The following NXN variants were observed in gnomAD, a reference collection of about 807,000 sequenced individuals.
NXN encodes the protein nucleoredoxin 1.
Under a neutral mutation model 48.6 loss-of-function variants are expected in NXN, and 16 were observed. The ratio of observed to expected loss-of-function variants is 0.33; its 90% CI spans 0.22 to 0.50. The LOEUF is 0.50. NXN is among the 20% of genes least tolerant of loss of function. The probability of loss-of-function intolerance (pLI) is 0.98; values close to 1 mark genes in which losing one functional copy is unlikely to be tolerated. For missense variants in NXN, 492 were observed against 605.5 expected, an observed-to-expected ratio of 0.81 and a Z score of 1.97; for synonymous variants, 281 against 269.6, an observed-to-expected ratio of 1.04 and a Z score of -0.41.
rs1475947757 is a variant in NXN at position 917,285 on chromosome 17, G to A, written c.360+62034C>T. On this transcript the variant is annotated intron_variant, in intron 1 of 7. Transcript: ENST00000336868. This position sits in a 1 kb window ranked among gnomAD's most constrained non-coding sequence, Gnocchi z 4.5. ...GCCTCCCGAGCAGCTGGGACTACAG[G>A]CGCCCGCCACCATGCCCAGCTAATT... Among the ~76,000 whole-genome samples, 2 of 152,184 alleles carry A rather than the reference G, an allele frequency of 1.3e-5. No homozygotes were observed. The highest frequency in any genetic ancestry group is 4.8e-5 in the African/African-American group (2 of 41,450).
At chr17:855,823 A>G (rs560860704) in intron 1 of NXN, among the ~76,000 whole-genome samples, 4 of 152,306 alleles carry the variant, frequency 2.6e-5, no homozygotes, top group South Asian at 4.1e-4. Context: ...AGGGAACTCA[A>G]TCAAAACCAG....
chr17:837,661 G>A (rs1275334490), intron 1 of NXN, among the ~76,000 whole-genome samples: 1 of 152,156 alleles, frequency 6.6e-6, no homozygotes. Context: ...AGCGCTGGTG[G>A]GATCAGAGCT....
At chr17:921,764 C>A (rs2068752670) in intron 1 of NXN, among the ~76,000 whole-genome samples, 1 of 150,768 alleles carries the variant, frequency 6.6e-6, no homozygotes, top group Non-Finnish European at 1.5e-5. Flanking sequence ...GGCTCTCATC[C>A]TCACTGCCCC....
At chr17:948,297 C>T (rs1202313453) in intron 1 of NXN, among the ~76,000 whole-genome samples, 8 of 151,934 alleles carry the variant, frequency 5.3e-5, no homozygotes, top group East Asian at 1.9e-4. Context: ...AAATATCTCA[C>T]GTCCACCATA....
chr17:800,625 C>T lies in NXN; in HGVS notation c.*324G>A, dbSNP rs185762564. On this transcript the variant is annotated 3_prime_UTR_variant, in exon 8 of 8. Transcript: ENST00000336868. The stretch of plus-strand genomic sequence containing the variant: ...CCGAGCGGGACCCACCGGCCCTCCA[C>T]GCTCACTCTGCCCAGGACACCCTGG... The T allele has an allele frequency of 3.6e-3, 688 of 188,794 alleles. 1 individual carries two copies. Among genetic ancestry groups the T allele is most frequent in the Admixed American group, 5.7e-3 (93 of 16,348 alleles). 11.7% of individuals were successfully genotyped at this position (188,794 alleles called of 1,614,324 possible). A position where few individuals can be genotyped will look rare whatever the true frequency, so the allele number is the denominator to read the frequency against.
Position 979,379 on chromosome 17 carries a change from C to T in NXN, c.300G>A (p.Trp100Ter). 1 of 1,530,058 alleles carries T rather than the reference C, an allele frequency of 6.5e-7. No homozygotes were observed. Among genetic ancestry groups the T allele is most frequent in the Non-Finnish European group, 8.8e-7 (1 of 1,140,114 alleles). 94.8% of individuals were successfully genotyped at this position (1,530,058 alleles called of 1,614,324 possible). The change falls in exon 1 of 8, where the codon TGG (tryptophan) becomes TGA (stop). Residue 100 changes from tryptophan (W) to a stop codon, truncating the protein, a stop_gained. Coordinates refer to ENST00000336868, the MANE Select transcript of NXN (RefSeq NM_022463.5). LOFTEE classifies it high-confidence loss of function. The stretch of plus-strand genomic sequence containing the variant: ...ACGGCATGTCCCGCACGAAGTCCTG[C>T]CACTGCCGCTGGTCCTGGTCCGAGG... The part of the protein sequence containing the change: ...FVSSDQDQRQ[W>*]QDFVRDMPWL...
intron 1 of NXN, among the ~76,000 whole-genome samples, chr17:948,413 T>A (rs2069069878): frequency 6.6e-6 from 1 of 152,102 alleles, no homozygotes; most frequent in Admixed American, 6.6e-5. Flanking sequence ...ACACGGGTTA[T>A]ATGTAAATGC....
At chr17:950,091 G>A (rs1326759527) in intron 1 of NXN, among the ~76,000 whole-genome samples, 1 of 152,178 alleles carries the variant, frequency 6.6e-6, no homozygotes, top group Non-Finnish European at 1.5e-5. Flanking sequence ...TCTGAAGGCA[G>A]TTCCATCCAC....
At position 812,647 on chromosome 17, in the gene NXN, CAT is replaced by C. The variant is rs902683191; in HGVS notation, c.820+6790_820+6791del. 7.1e-5 allele frequency among the ~76,000 whole-genome samples: 9 copies of C among 126,506 alleles called. No homozygotes were observed. In the East Asian group the frequency reaches 8.3e-4, roughly 12 times the overall value. 83.0% of individuals were successfully genotyped at this position (126,506 alleles called of 152,430 possible). A position where few individuals can be genotyped will look rare whatever the true frequency, so the allele number is the denominator to read the frequency against. On this transcript the variant is annotated intron_variant, in intron 5 of 7. Coordinates refer to ENST00000336868, the MANE Select transcript of NXN (RefSeq NM_022463.5). ...GTGAGTGTAGGTGTGTGTGAGTGTG[CAT>C]GTGTGTGACTGTAGGTGTGTGTGAG... is the stretch of plus-strand genomic sequence containing the variant.
intron 1 of NXN, among the ~76,000 whole-genome samples, chr17:842,036 T>TGCGGC (rs1567828419): frequency 6.6e-6 from 1 of 152,046 alleles, no homozygotes; most frequent in African/African-American, 2.4e-5. Context: ...CTCAGGAGGC[T>TGCGGC]GCGGCAGGAG....
At chr17:960,811 T>A (rs1288905926) in intron 1 of NXN, among the ~76,000 whole-genome samples, 3 of 118,484 alleles carry the variant, frequency 2.5e-5, no homozygotes, top group Admixed American at 8.7e-5. Flanking sequence ...TTTGAGATGG[T>A]GTCTCGCTCT....
intron 1 of NXN, among the ~76,000 whole-genome samples, chr17:887,432 T>C (rs1408154759): frequency 6.6e-6 from 1 of 152,164 alleles, no homozygotes; most frequent in East Asian, 1.9e-4. Flanking sequence ...GCCGTTCATA[T>C]GCTCGTCACC....
At chr17:875,312 G>A (rs373693964) in intron 1 of NXN, among the ~76,000 whole-genome samples, 12 of 151,778 alleles carry the variant, frequency 7.9e-5, no homozygotes, top group East Asian at 7.8e-4. Flanking sequence ...GATTACAGGC[G>A]TCAGCCACCA....
chr17:835,152 C>CAA (rs386794275), intron 1 of NXN, among the ~76,000 whole-genome samples: 2 of 151,084 alleles, frequency 1.3e-5, no homozygotes, highest in Non-Finnish European at 3.0e-5. Context: ...ACTAAAAATA[C>CAA]AAAAAATTAG....
At chr17:931,577 C>A (rs1204545783) in intron 1 of NXN, among the ~76,000 whole-genome samples, 1 of 151,852 alleles carries the variant, frequency 6.6e-6, no homozygotes, top group African/African-American at 2.4e-5. Context: ...TGGCTCACAC[C>A]TGTAATCCCA....
At chr17:955,334 A>AT (rs2069154452) in intron 1 of NXN, among the ~76,000 whole-genome samples, 1 of 150,530 alleles carries the variant, frequency 6.6e-6, no homozygotes, top group Admixed American at 6.6e-5. Flanking sequence ...CACCCTGCTA[A>AT]TTTTTTATTT....
At chr17:843,178 C>T (rs1020856264) in intron 1 of NXN, among the ~76,000 whole-genome samples, 1 of 152,238 alleles carries the variant, frequency 6.6e-6, no homozygotes, top group Non-Finnish European at 1.5e-5. Flanking sequence ...TTACTTCTCA[C>T]CCTTTCAAAT....
At chr17:843,016 GAAAGAA>G (rs1567829035) in intron 1 of NXN, among the ~76,000 whole-genome samples, 64 of 113,270 alleles carry the variant, frequency 5.7e-4, no homozygotes, top group South Asian at 1.1e-3. Context: ...GAGAAAGAAA[GAAAGAA>G]AGAAAGAAAG....
At chr17:855,763 A>C (rs1311471415) in intron 1 of NXN, among the ~76,000 whole-genome samples, 2 of 152,180 alleles carry the variant, frequency 1.3e-5, no homozygotes, top group Non-Finnish European at 2.9e-5. Flanking sequence ...GACTCTGTGT[A>C]CCTTGGCAGG....
Sources: gnomAD v4.1 joint callset for allele counts (sites outside exome capture counted in the v4.1 genomes callset) on GRCh38, gnomAD v4.1.1 for gene constraint, Gnocchi (gnomAD v3.1) non-coding constraint, MANE v1.5 for transcripts, NCBI Gene and HGNC (gene_info 2026-07-23, HGNC 2026-07-21) for gene names.